SYNPR: variants seen among roughly 807,000 people sequenced by gnomAD.
The protein encoded by SYNPR is synaptoporin.
In SYNPR, 23 loss-of-function variants were observed where a neutral mutation model predicts 32.9. That is an observed-to-expected ratio of 0.70 (90% confidence interval 0.50 to 0.99). The LOEUF (loss-of-function observed/expected upper bound fraction) is 0.99, where lower values mean the gene tolerates loss of function less well. SYNPR is among the 50% of genes least tolerant of loss of function. The probability of loss-of-function intolerance (pLI) is 0.00; values close to 1 mark genes in which losing one functional copy is unlikely to be tolerated. For missense variants in SYNPR, 318 were observed against 349.3 expected (o/e 0.91, Z 0.71); for synonymous variants, 146 against 135.9 (o/e 1.07, Z -0.52).
At chr3:63,241,513 A>T (rs992663875) in intron 1 of SYNPR, among the ~76,000 whole-genome samples, 4 of 152,072 alleles carry the variant, frequency 2.6e-5, no homozygotes, top group Non-Finnish European at 5.9e-5. Flanking sequence ...AATCAATGAG[A>T]TTTGGGGGTA....
chr3:63,210,826 C>T, the SYNPR span, among the ~76,000 whole-genome samples: 1 of 150,450 alleles, frequency 6.6e-6, no homozygotes, highest in Non-Finnish European at 1.5e-5. Context: ...CCTTCCTTTC[C>T]TTCCTCTCTT....
intron 2 of SYNPR, among the ~76,000 whole-genome samples, chr3:63,384,289 A>C (rs1348912540): frequency 1.3e-5 from 2 of 152,250 alleles, no homozygotes; most frequent in Admixed American, 1.3e-4. Flanking sequence ...ATCTAGTGGA[A>C]TGAGTGCTCA....
intron 2 of SYNPR, among the ~76,000 whole-genome samples, chr3:63,258,053 G>C (rs562895599): frequency 1.3e-5 from 2 of 152,140 alleles, no homozygotes; most frequent in Admixed American, 6.5e-5. Context: ...CAATACAGGA[G>C]CACCCAGATC....
At chr3:63,476,588 T>C (rs1176037446) in intron 2 of SYNPR, among the ~76,000 whole-genome samples, 1 of 152,072 alleles carries the variant, frequency 6.6e-6, no homozygotes, top group Non-Finnish European at 1.5e-5. Flanking sequence ...GAATCAACTC[T>C]TACCGATGTG....
At chr3:63,513,213 T>G (rs2106757634) in intron 3 of SYNPR, among the ~76,000 whole-genome samples, 1 of 141,310 alleles carries the variant, frequency 7.1e-6, no homozygotes, top group East Asian at 2.5e-4. Context: ...TTGTTTCTGT[T>G]TTTTTGTTTG....
At chr3:63,580,023 T>C (rs1309418196) in intron 4 of SYNPR, among the ~76,000 whole-genome samples, 1 of 152,140 alleles carries the variant, frequency 6.6e-6, no homozygotes, top group Non-Finnish European at 1.5e-5. Flanking sequence ...TATGACCCAA[T>C]TGAGCTAGGA....
chr3:63,613,269 T>G (rs1700228461), intron 5 of SYNPR, among the ~76,000 whole-genome samples: 1 of 152,024 alleles, frequency 6.6e-6, no homozygotes, highest in Non-Finnish European at 1.5e-5. Context: ...ATCCCCCTTT[T>G]AACGGAAAAT....
intron 2 of SYNPR, among the ~76,000 whole-genome samples, chr3:63,471,698 A>C (rs1042635174): frequency 2.6e-5 from 4 of 152,168 alleles, no homozygotes; most frequent in Non-Finnish European, 5.9e-5. Flanking sequence ...TATGGCTACT[A>C]TTGAGGTAAT....
At chr3:63,532,053 G>A (rs1702122090) in intron 3 of SYNPR, among the ~76,000 whole-genome samples, 1 of 152,196 alleles carries the variant, frequency 6.6e-6, no homozygotes, top group South Asian at 2.1e-4. Context: ...CAACTTTTAT[G>A]AGAAGCAGTG....
intron 3 of SYNPR, among the ~76,000 whole-genome samples, chr3:63,517,441 G>GCTTTTCAGT (rs1701821420): frequency 6.6e-6 from 1 of 151,998 alleles, no homozygotes; most frequent in Non-Finnish European, 1.5e-5. Flanking sequence ...AATTTGTACT[G>GCTTTTCAGT]AAAAGCACAA....
At chr3:63,329,430 A>G (rs2087201857) in intron 2 of SYNPR, among the ~76,000 whole-genome samples, 1 of 152,140 alleles carries the variant, frequency 6.6e-6, no homozygotes, top group Admixed American at 6.5e-5. Flanking sequence ...CCTTTAACCA[A>G]CCTGCAATGC....
chr3:63,396,820 A>G (rs1330701920), intron 2 of SYNPR, among the ~76,000 whole-genome samples: 2 of 152,176 alleles, frequency 1.3e-5, no homozygotes, highest in Non-Finnish European at 2.9e-5. Context: ...AAACATTAAC[A>G]TTGGCCGAGC....
Position 63,375,206 on chromosome 3 carries a change from C to G in SYNPR, c.84+96464C>G, listed in dbSNP as rs571383425. On this transcript the variant is annotated intron_variant, in intron 2 of 5. Transcript: ENST00000478300. ...GAACTAGAAATACCATTTGACCCAGCAATCCCATTACTGGTTATATACTCA... is the reference window on the plus strand; with the variant it reads ...GAACTAGAAATACCATTTGACCCAGGAATCCCATTACTGGTTATATACTCA... Among the ~76,000 whole-genome samples, 49 of 152,242 alleles carry G rather than the reference C, an allele frequency of 3.2e-4. 1 individual carries two copies. The highest frequency in any genetic ancestry group is 4.7e-4 in the Non-Finnish European group (32 of 68,034).
intron 3 of SYNPR, among the ~76,000 whole-genome samples, chr3:63,538,131 A>C (rs556295344): frequency 2.0e-5 from 3 of 152,200 alleles, no homozygotes; most frequent in Admixed American, 1.3e-4. Flanking sequence ...AAGGATTAAT[A>C]ATTTACAATG....
chr3:63,362,056 G>T (rs909875305), intron 2 of SYNPR, among the ~76,000 whole-genome samples: 1 of 152,154 alleles, frequency 6.6e-6, no homozygotes, highest in African/African-American at 2.4e-5. Context: ...AATAAAATGT[G>T]AGAGTGATAC....
chr3:63,357,381 G>T (rs1050668308), intron 2 of SYNPR, among the ~76,000 whole-genome samples: 2 of 151,944 alleles, frequency 1.3e-5, no homozygotes, highest in Non-Finnish European at 2.9e-5. Context: ...ACATTCGAAT[G>T]GTTTTTACCC....
intron 2 of SYNPR, among the ~76,000 whole-genome samples, chr3:63,283,856 T>G (rs2086655335): frequency 7.2e-6 from 1 of 139,376 alleles, no homozygotes; most frequent in Non-Finnish European, 1.5e-5. Context: ...CTCGCTAGGC[T>G]GCCCAGGCTG....
chr3:63,376,541 G>T (rs896065733), intron 2 of SYNPR, among the ~76,000 whole-genome samples: 46 of 152,116 alleles, frequency 3.0e-4, no homozygotes, highest in African/African-American at 8.4e-4. Flanking sequence ...AGGGGCAAAA[G>T]CTTCTACCCC....
chr3:63,539,041 C>T (rs1702256508), intron 3 of SYNPR, among the ~76,000 whole-genome samples: 2 of 152,120 alleles, frequency 1.3e-5, no homozygotes, highest in Non-Finnish European at 1.5e-5. Flanking sequence ...GATTTGCTCT[C>T]ATCATTTGCT....
Sources: allele counts gnomAD v4.1 joint callset (sites outside exome capture counted in the v4.1 genomes callset), GRCh38; gene constraint gnomAD v4.1.1; transcripts MANE v1.5; gene names NCBI Gene and HGNC (gene_info 2026-07-23, HGNC 2026-07-21).